Variants in IGSF11 observed in about 807,000 individuals in gnomAD.
IGSF11 encodes immunoglobulin superfamily member 11.
Under a neutral mutation model 41.0 loss-of-function variants are expected in IGSF11, and 22 were observed. The observed-to-expected ratio is 0.54, with a 90% CI of 0.38 to 0.77. The LOEUF (loss-of-function observed/expected upper bound fraction) is 0.77. Ranked by LOEUF, IGSF11 falls within the 30% of genes least tolerant of loss-of-function variation. IGSF11 has a pLI of 0.00. For synonymous variants in IGSF11, 219 were observed against 201.3 expected (o/e 1.09, Z -0.74); for missense variants, 444 against 530.8 (o/e 0.84, Z 1.61).
chr3:118,949,233 C>T (rs946351416), intron 1 of IGSF11: 3 of 148,668 alleles, frequency 2.0e-5, no homozygotes, highest in Non-Finnish European at 4.4e-5. Flanking sequence ...TTTTACCATT[C>T]TATTATTGGA....
chr3:119,009,433 A>T (rs1937830287), intron 1 of IGSF11, among the ~76,000 whole-genome samples: 1 of 152,124 alleles, frequency 6.6e-6, no homozygotes, highest in East Asian at 1.9e-4. Context: ...AGTTTCCCCC[A>T]TGCTGTTCTC....
intron 1 of IGSF11, among the ~76,000 whole-genome samples, chr3:119,013,903 G>T (rs536230592): frequency 4.6e-5 from 7 of 152,216 alleles, no homozygotes; most frequent in Non-Finnish European, 8.8e-5. Flanking sequence ...ACTACTTTTG[G>T]TTTCAGATAC....
chr3:119,008,790 T>A (rs552142430), intron 1 of IGSF11, among the ~76,000 whole-genome samples: 30 of 152,300 alleles, frequency 2.0e-4, no homozygotes, highest in Middle Eastern at 3.4e-3. Context: ...GAGATTAACA[T>A]TTAAGTCATT....
At chr3:119,078,367 A>G (rs1576771376) in intron 1 of IGSF11, among the ~76,000 whole-genome samples, 1 of 152,334 alleles carries the variant, frequency 6.6e-6, no homozygotes, top group East Asian at 1.9e-4. Flanking sequence ...GTACAAAAAC[A>G]GAGACCATTA....
In IGSF11 at chr3:119,137,458, A is replaced by G. The variant is rs543177584; in HGVS notation, c.-14+8355T>C. Among the ~76,000 whole-genome samples the G allele has an allele frequency of 3.9e-5, 6 of 152,340 alleles. No homozygotes were observed. In the South Asian group the frequency reaches 1.2e-3, roughly 32 times the overall value. ...CATTTTTGACAAAGTTTCCAAGAAC[A>G]TACATTGCGGAAAGGACAGTCTCTT... On this transcript the variant is annotated intron_variant, in intron 1 of 7. Coordinates refer to the IGSF11 transcript ENST00000425327.
Position 119,131,482 on chromosome 3 carries a change from G to A in IGSF11, c.-14+14331C>T, listed in dbSNP as rs114078456. Among the ~76,000 whole-genome samples, 2,268 of 152,156 alleles carry A rather than the reference G, an allele frequency of 0.015. 91 individuals are homozygous for A. The East Asian group carries it at 0.15, about 10-fold the overall frequency. On this transcript the variant is annotated intron_variant, in intron 1 of 7. Coordinates refer to the IGSF11 transcript ENST00000425327. ...TTGAAGATCAAATTAATGAAATAGC[G>A]AGAAGACAAGATTAGAGAAAACAGA...
intron 1 of IGSF11, among the ~76,000 whole-genome samples, chr3:119,031,233 G>A (rs1258685282): frequency 6.6e-6 from 1 of 151,836 alleles, no homozygotes; most frequent in Admixed American, 6.6e-5. Context: ...CTCCAGCCTG[G>A]ACAACAAAAG....
At chr3:118,912,838 G>C (rs1940506390) in intron 4 of IGSF11, among the ~76,000 whole-genome samples, 1 of 151,988 alleles carries the variant, frequency 6.6e-6, no homozygotes, top group Non-Finnish European at 1.5e-5. Context: ...AAGAGACAAA[G>C]GCAACATAGA....
chr3:119,087,711 A>G (rs948286856), intron 1 of IGSF11, among the ~76,000 whole-genome samples: 2 of 152,092 alleles, frequency 1.3e-5, no homozygotes, highest in African/African-American at 4.8e-5. Context: ...AATCTCAGAA[A>G]TCACCACTAC....
intron 1 of IGSF11, among the ~76,000 whole-genome samples, chr3:119,070,736 G>A (rs1208632637): frequency 6.6e-6 from 1 of 152,096 alleles, no homozygotes; most frequent in Non-Finnish European, 1.5e-5. Context: ...AAAGACAAGA[G>A]GAAATTGGGG....
At chr3:118,920,027 G>A (rs1436214354) in intron 4 of IGSF11, among the ~76,000 whole-genome samples, 6 of 139,702 alleles carry the variant, frequency 4.3e-5, no homozygotes, top group South Asian at 2.5e-4. Context: ...ACCAAACACC[G>A]TATATTCTCA....
chr3:118,940,500 T>G (rs1013776304), intron 1 of IGSF11, among the ~76,000 whole-genome samples: 1 of 152,032 alleles, frequency 6.6e-6, no homozygotes, highest in Non-Finnish European at 1.5e-5. Flanking sequence ...GCAATGAAAA[T>G]TACAAAATTT....
chr3:119,097,709 T>C (rs1381708889), intron 1 of IGSF11, among the ~76,000 whole-genome samples: 1 of 152,196 alleles, frequency 6.6e-6, no homozygotes, highest in Non-Finnish European at 1.5e-5. Flanking sequence ...AGTACCTTTA[T>C]TGAGACTCCA....
Position 119,044,897 on chromosome 3 carries a change from A to G in IGSF11, c.49+60247T>C, listed in dbSNP as rs186490503. ...ACAAGCTTGCACTACAAAAAATGCT[A>G]AAAGGAGTTCTAAATCTTGGAACAA... On this transcript the variant is annotated intron_variant, in intron 1 of 6. Coordinates refer to the IGSF11 transcript ENST00000354673. Among the ~76,000 whole-genome samples the G allele has an allele frequency of 3.2e-3, 495 of 152,364 alleles. 2 individuals are homozygous for G. The highest frequency in any genetic ancestry group is 0.012 in the African/African-American group (482 of 41,592).
At chr3:119,027,201 A>C (rs575815501) in intron 1 of IGSF11, among the ~76,000 whole-genome samples, 10 of 152,354 alleles carry the variant, frequency 6.6e-5, no homozygotes, top group African/African-American at 2.4e-4. Flanking sequence ...AAAGTACAAG[A>C]TAAACCAGTG....
chr3:119,047,608 G>T (rs1406336734), intron 1 of IGSF11, among the ~76,000 whole-genome samples: 2 of 152,048 alleles, frequency 1.3e-5, no homozygotes, highest in African/African-American at 2.4e-5. Context: ...AGTCAACAAG[G>T]ATACCCAGGA....
chr3:119,010,198 A>G (rs1937941850), intron 1 of IGSF11, among the ~76,000 whole-genome samples: 1 of 152,214 alleles, frequency 6.6e-6, no homozygotes, highest in Non-Finnish European at 1.5e-5. Context: ...CAGGAACCAC[A>G]GAGTATACCC....
At chr3:119,099,135 G>A (rs1228755322) in intron 1 of IGSF11, among the ~76,000 whole-genome samples, 1 of 152,072 alleles carries the variant, frequency 6.6e-6, no homozygotes, top group Non-Finnish European at 1.5e-5. Flanking sequence ...AAATTTCAAG[G>A]GTACTTTTGT....
intron 4 of IGSF11, among the ~76,000 whole-genome samples, chr3:118,908,998 G>C (rs1939946764): frequency 6.6e-6 from 1 of 152,150 alleles, no homozygotes; most frequent in Non-Finnish European, 1.5e-5. Context: ...ATTACTGTGA[G>C]GACTAAATGA....
Sources: gnomAD v4.1 joint callset for allele counts (sites outside exome capture counted in the v4.1 genomes callset) on GRCh38, gnomAD v4.1.1 for gene constraint, MANE v1.5 for transcripts, NCBI Gene and HGNC (gene_info 2026-07-23, HGNC 2026-07-21) for gene names.